Variants in IMMP2L observed in about 807,000 individuals in gnomAD.
IMMP2L encodes the protein inner mitochondrial membrane peptidase subunit 2, also known as mitochondrial inner membrane protease subunit 2.
IMMP2L carries 18 observed loss-of-function variants against 19.3 expected under a neutral mutation model. That is an observed-to-expected ratio of 0.93 (90% CI 0.64 to 1.38). The LOEUF is 1.38. IMMP2L is among the 40% of genes most tolerant of loss of function. The pLI is 0.00. For synonymous variants in IMMP2L, 76 were observed against 73.0 expected (o/e 1.04, Z -0.21); for missense variants, 233 against 218.2 (o/e 1.07, Z -0.43).
At chr7:111,478,873 G>A (rs1040504251) in intron 3 of IMMP2L, among the ~76,000 whole-genome samples, 2 of 151,996 alleles carry the variant, frequency 1.3e-5, no homozygotes, top group Non-Finnish European at 2.9e-5. Context: ...GCCAAGTGTT[G>A]CGTATAAAAA....
intron 3 of IMMP2L, among the ~76,000 whole-genome samples, chr7:111,107,558 CTG>C (rs1186750322): frequency 5.3e-5 from 8 of 152,172 alleles, no homozygotes; most frequent in African/African-American, 1.9e-4. Context: ...TAAAAAGATT[CTG>C]TGCATGTATA....
In IMMP2L at chr7:110,792,191, C is replaced by T. The variant is rs150365199; in HGVS notation, c.408+94402G>A. On this transcript the variant is annotated intron_variant, in intron 5 of 5. Transcript: ENST00000405709. Reference sequence around the variant, plus strand: ...AGGTTTGACACGTGCACCCTCTACCCTTAGCTTGTTGAATTTAGCTAATAA... The same window carrying T: ...AGGTTTGACACGTGCACCCTCTACCTTTAGCTTGTTGAATTTAGCTAATAA... Among the ~76,000 whole-genome samples the T allele has an allele frequency of 3.1e-3, 474 of 151,698 alleles. 11 individuals are homozygous for T. The highest frequency in any genetic ancestry group is 0.011 in the African/African-American group (451 of 41,080).
At chr7:111,239,353 T>C (rs554781648) in intron 3 of IMMP2L, among the ~76,000 whole-genome samples, 2 of 152,076 alleles carry the variant, frequency 1.3e-5, no homozygotes, top group East Asian at 1.9e-4. Context: ...ACAAAGTCTA[T>C]TCAAACGAAT....
chr7:111,092,589 A>G (rs1298794872), intron 3 of IMMP2L, among the ~76,000 whole-genome samples: 1 of 152,176 alleles, frequency 6.6e-6, no homozygotes, highest in Non-Finnish European at 1.5e-5. Flanking sequence ...TATTACTGAT[A>G]TATTTCTCAT....
intron 3 of IMMP2L, among the ~76,000 whole-genome samples, chr7:110,988,669 G>C (rs146746392): frequency 1.3e-5 from 2 of 151,990 alleles, no homozygotes; most frequent in Non-Finnish European, 2.9e-5. Context: ...TTCTATTTGC[G>C]TGTGCCATTA....
chr7:110,671,157 C>T (rs1791891006), intron 5 of IMMP2L, among the ~76,000 whole-genome samples: 1 of 152,068 alleles, frequency 6.6e-6, no homozygotes, highest in Non-Finnish European at 1.5e-5. Context: ...AATAACTTGC[C>T]CCTATGGTAG....
intron 3 of IMMP2L, among the ~76,000 whole-genome samples, chr7:111,098,531 C>T (rs997775721): frequency 1.3e-5 from 2 of 151,694 alleles, no homozygotes; most frequent in Non-Finnish European, 3.0e-5. Flanking sequence ...AGCCCTTATA[C>T]GTTCAAACCA....
At chr7:111,530,798 T>G (rs1261877115) in intron 1 of IMMP2L, among the ~76,000 whole-genome samples, 2 of 151,974 alleles carry the variant, frequency 1.3e-5, no homozygotes, top group Non-Finnish European at 2.9e-5. Context: ...CTCAAAACTT[T>G]GGAAATAAAA....
chr7:111,219,147 C>T (rs1170201181), intron 3 of IMMP2L, among the ~76,000 whole-genome samples: 2 of 151,954 alleles, frequency 1.3e-5, no homozygotes, highest in African/African-American at 4.8e-5. Context: ...AGCTGTTAAC[C>T]ATCACAAGTT....
At chr7:110,968,313 T>A (rs892645237) in intron 3 of IMMP2L, among the ~76,000 whole-genome samples, 58 of 151,640 alleles carry the variant, frequency 3.8e-4, no homozygotes, top group Admixed American at 9.2e-4. Flanking sequence ...AGACGTCATA[T>A]AAATTTATTT....
chr7:110,926,820 C>T (rs1249389848), intron 4 of IMMP2L, among the ~76,000 whole-genome samples: 1 of 152,086 alleles, frequency 6.6e-6, no homozygotes, highest in Non-Finnish European at 1.5e-5. Flanking sequence ...TCTTTTATAT[C>T]ACACACAGTG....
intron 4 of IMMP2L, among the ~76,000 whole-genome samples, chr7:110,960,678 G>T (rs949128662): frequency 6.6e-6 from 1 of 151,290 alleles, no homozygotes; most frequent in African/African-American, 2.4e-5. Context: ...AAAAAAAACA[G>T]TCACCAAGTT....
chr7:110,843,745 A>AT (rs1805343988), intron 5 of IMMP2L, among the ~76,000 whole-genome samples: 1 of 152,200 alleles, frequency 6.6e-6, no homozygotes, highest in South Asian at 2.1e-4. Flanking sequence ...TGATATGGAT[A>AT]AGGGCCTTGC....
At chr7:111,490,786 C>T (rs1342374277) in intron 2 of IMMP2L, among the ~76,000 whole-genome samples, 1 of 152,008 alleles carries the variant, frequency 6.6e-6, no homozygotes, top group Non-Finnish European at 1.5e-5. Flanking sequence ...ATAGCCAATA[C>T]CTACGAAGTA....
intron 5 of IMMP2L, among the ~76,000 whole-genome samples, chr7:110,883,758 A>G (rs2129545260): frequency 6.6e-6 from 1 of 152,216 alleles, no homozygotes; most frequent in Non-Finnish European, 1.5e-5. Context: ...TAAATAAATA[A>G]ATAATTTACT....
intron 3 of IMMP2L, among the ~76,000 whole-genome samples, chr7:111,286,637 A>G (rs1820515816): frequency 1.3e-5 from 2 of 152,196 alleles, no homozygotes; most frequent in African/African-American, 2.4e-5. Flanking sequence ...GAGAAAAAAC[A>G]GGAATATAAA....
At chr7:111,479,279 T>C (rs1249840417) in intron 3 of IMMP2L, among the ~76,000 whole-genome samples, 1 of 152,158 alleles carries the variant, frequency 6.6e-6, no homozygotes, top group African/African-American at 2.4e-5. Flanking sequence ...TTCCTTTCAT[T>C]CTTAGATCTT....
intron 3 of IMMP2L, among the ~76,000 whole-genome samples, chr7:111,261,036 A>G (rs1290356856): frequency 6.6e-6 from 1 of 152,178 alleles, no homozygotes; most frequent in Non-Finnish European, 1.5e-5. Flanking sequence ...CTCAGTAAAA[A>G]AGATGCCCTT....
At chr7:110,930,937 C>T (rs1029452103) in intron 4 of IMMP2L, among the ~76,000 whole-genome samples, 5 of 152,174 alleles carry the variant, frequency 3.3e-5, no homozygotes, top group Non-Finnish European at 7.3e-5. Flanking sequence ...TATCAATATA[C>T]AATGGTTGAA....
Sources: allele counts gnomAD v4.1 joint callset (sites outside exome capture counted in the v4.1 genomes callset), GRCh38; gene constraint gnomAD v4.1.1; transcripts MANE v1.5; gene names NCBI Gene and HGNC (gene_info 2026-07-23, HGNC 2026-07-21).